PHF8: variants seen among roughly 807,000 people sequenced by gnomAD.
PHF8 encodes the protein PHD finger protein 8.
In PHF8, 9 loss-of-function variants were observed where a neutral mutation model predicts 74.4. The observed-to-expected ratio is 0.12, with a 90% CI of 0.07 to 0.21. The LOEUF is 0.21. PHF8 is among the 10% of genes least tolerant of loss of function. PHF8 has a pLI of 1.00. For missense variants in PHF8, 478 were observed against 816.6 expected (o/e 0.59, Z 5.05); for synonymous variants, 311 against 316.6 (o/e 0.98, Z 0.19).
chrX:53,992,867 C>T (rs1427371340), intron 13 of PHF8, 28 bp from the exon 14 acceptor site: 5 of 978,855 alleles, frequency 5.1e-6, no homozygotes, highest in Non-Finnish European at 7.3e-6. Flanking sequence ...TCAGCCGTTA[C>T]CTGTCTGGGA....
At position 53,986,913 on chromosome X, in the gene PHF8, G is replaced by A. The variant is rs140921344; in HGVS notation, c.1995+165C>T. On this transcript the variant is annotated intron_variant, in intron 16 of 21. Coordinates refer to ENST00000338154, the MANE Select transcript of PHF8 (RefSeq NM_015107.3). ...TGTACCCCAGCCTGGGCAACAGAGC[G>A]AGGAGACTCTGTCTCAAAAAATAAT... Among the ~76,000 whole-genome samples, 627 of 111,510 alleles carry A rather than the reference G, an allele frequency of 5.6e-3. 2 individuals are homozygous for A. Among genetic ancestry groups the A allele is most frequent in the African/African-American group, 0.019 (592 of 30,725 alleles).
At chrX:54,042,846 G>A (rs2066584391) in intron 1 of PHF8, 26 bp from the exon 2 acceptor site, 2 of 1,052,457 alleles carry the variant, frequency 1.9e-6, no homozygotes, top group Admixed American at 5.9e-5. Flanking sequence ...ACTTTTTACA[G>A]AGTGAATCAG....
At chrX:53,945,293 T>C (rs958729457) in intron 19 of PHF8, among the ~76,000 whole-genome samples, 2 of 99,535 alleles carry the variant, frequency 2.0e-5, no homozygotes, top group Non-Finnish European at 4.0e-5. Context: ...TGCAGTAAGC[T>C]GAGATTGCGC....
At chrX:53,944,408 A>G (rs1357323496) in intron 19 of PHF8, 165 bp from the exon 20 acceptor site, 3 of 448,276 alleles carry the variant, frequency 6.7e-6, no homozygotes, top group East Asian at 3.8e-5. Flanking sequence ...TAATTCACCA[A>G]TGCTCAAAGC....
intron 10 of PHF8, among the ~76,000 whole-genome samples, chrX:54,001,293 T>A (rs1557104166): frequency 1.8e-5 from 2 of 109,239 alleles, no homozygotes; most frequent in African/African-American, 6.7e-5. Flanking sequence ...ACCACTGCAC[T>A]CCAGCCTGGT....
intron 19 of PHF8, among the ~76,000 whole-genome samples, chrX:53,953,659 C>G (rs58782894): frequency 0.015 from 1,309 of 86,774 alleles, 47 homozygotes; most frequent in African/African-American, 0.067. Context: ...AAAAAAAAAG[C>G]GGGGGGGGTC....
At position 53,955,562 on chromosome X, in the gene PHF8, T is replaced by TC. The variant is rs1208965476; in HGVS notation, c.2539+7281_2539+7282insG. Among the ~76,000 whole-genome samples the TC allele has an allele frequency of 2.0e-4, 20 of 102,298 alleles. No individual in the cohort carries two copies. The East Asian group carries it at 3.3e-3, about 17-fold the overall frequency. The allele number at this position is 102,298 out of a possible 115,157, so 88.8% of individuals were successfully genotyped here. On this transcript the variant is annotated intron_variant, in intron 19 of 21. Coordinates refer to ENST00000338154, the MANE Select transcript of PHF8 (RefSeq NM_015107.3). ...ATGATTTGGTCTCTTCTTTTCTTTT[T>TC]TTTTTTTTTTTTTTTAATTTCTGCT...
intron 8 of PHF8, among the ~76,000 whole-genome samples, chrX:54,005,109 T>C (rs1011556021): frequency 9.1e-6 from 1 of 110,389 alleles, no homozygotes; most frequent in African/African-American, 3.3e-5. Flanking sequence ...TAAGACAAGA[T>C]ACAAAACATT....
chrX:54,011,614 T>C (rs1296831331), intron 7 of PHF8, among the ~76,000 whole-genome samples: 2 of 111,431 alleles, frequency 1.8e-5, no homozygotes, highest in African/African-American at 6.5e-5. Context: ...TACAGATGAG[T>C]AGATCAATAC....
chrX:53,988,654 C>T (rs1162205637), intron 14 of PHF8, among the ~76,000 whole-genome samples: 1 of 100,049 alleles, frequency 1.0e-5, no homozygotes, highest in Non-Finnish European at 2.0e-5. Flanking sequence ...CAGAGTCTCG[C>T]TCTGTCACCC....
intron 7 of PHF8, among the ~76,000 whole-genome samples, chrX:54,012,713 A>G (rs1211105659): frequency 2.7e-5 from 3 of 111,077 alleles, no homozygotes; most frequent in South Asian, 3.8e-4. Flanking sequence ...AGGTGGGAAG[A>G]CTGCTGGAGC....
chrX:54,004,131 C>T (rs977962461), intron 8 of PHF8, among the ~76,000 whole-genome samples: 3 of 111,804 alleles, frequency 2.7e-5, no homozygotes, highest in East Asian at 5.6e-4. Context: ...AGATTGCACC[C>T]GGTGTGTGGG....
At chrX:54,036,102 CAAAAAAA>C (rs1159910510) in intron 2 of PHF8, among the ~76,000 whole-genome samples, 2 of 26,217 alleles carry the variant, frequency 7.6e-5, no homozygotes, top group Non-Finnish European at 1.5e-4. Context: ...AACTCCATCT[CAAAAAAA>C]AAAAAAAAAA....
rs2065842187 is a variant in PHF8, at chrX:54,002,540, T to C, written c.1034+55A>G. ...GTCCCCTCCTTCTACATTATACTCCTCACTCTAGCAGACAGGAATGGCCAA... is the reference window on the plus strand; with the variant it reads ...GTCCCCTCCTTCTACATTATACTCCCCACTCTAGCAGACAGGAATGGCCAA... On this transcript the variant is annotated intron_variant, in intron 9 of 21. Coordinates refer to ENST00000338154, the MANE Select transcript of PHF8 (RefSeq NM_015107.3). 8 of 766,592 alleles carry C rather than the reference T, an allele frequency of 1.0e-5. No homozygotes were observed. The Admixed American group carries it at 1.8e-4, about 17-fold the overall frequency. 63.2% of individuals were successfully genotyped at this position (766,592 alleles called of 1,213,427 possible).
chrX:54,008,708 C>A (rs1479855193), intron 8 of PHF8, among the ~76,000 whole-genome samples: 1 of 110,950 alleles, frequency 9.0e-6, no homozygotes, highest in Non-Finnish European at 1.9e-5. Flanking sequence ...TTCTTGAAAA[C>A]ATTACAAGTG....
intron 18 of PHF8, among the ~76,000 whole-genome samples, chrX:53,965,475 C>G (rs781855405): frequency 1.8e-4 from 20 of 112,927 alleles, no homozygotes; most frequent in African/African-American, 6.4e-4. Flanking sequence ...CCTGTCTCTA[C>G]TAAAAATACA....
At chrX:53,993,534 T>C in intron 13 of PHF8, 67 bp downstream of exon 13, 1 of 1,013,498 alleles carries the variant, frequency 9.9e-7, no homozygotes, top group Non-Finnish European at 1.4e-6. Context: ...ATAGCCTGCT[T>C]TTTGAAACCC....
intron 2 of PHF8, among the ~76,000 whole-genome samples, chrX:54,042,168 G>A (rs1316119073): frequency 9.1e-6 from 1 of 110,387 alleles, no homozygotes; most frequent in Non-Finnish European, 1.9e-5. Context: ...TGGGTGTGGT[G>A]GTGCATGCCT....
At chrX:53,967,349 C>T (rs1417757995) in intron 18 of PHF8, among the ~76,000 whole-genome samples, 5 of 100,627 alleles carry the variant, frequency 5.0e-5, no homozygotes, top group East Asian at 3.4e-4. Flanking sequence ...CCAGCCGCCC[C>T]GTCCGGGAGG....
Sources: gnomAD v4.1 joint callset for allele counts (sites outside exome capture counted in the v4.1 genomes callset) on GRCh38, gnomAD v4.1.1 for gene constraint, MANE v1.5 for transcripts, NCBI Gene and HGNC (gene_info 2026-07-23, HGNC 2026-07-21) for gene names.